Variants in CLCN5 observed in about 807,000 individuals in gnomAD.
CLCN5 encodes H(+)/Cl(-) exchange transporter 5.
Under a neutral mutation model 54.0 loss-of-function variants are expected in CLCN5, and 17 were observed. The observed-to-expected ratio is 0.31, with a 90% CI of 0.22 to 0.47. CLCN5 has a LOEUF of 0.47. Among genes scored for constraint, CLCN5 ranks in the 20% least tolerant of loss-of-function variants. The probability of loss-of-function intolerance (pLI) is 1.00; values close to 1 mark genes in which losing one functional copy is unlikely to be tolerated. For missense variants in CLCN5, 448 were observed against 646.7 expected, an observed-to-expected ratio of 0.69 and a Z score of 3.33; for synonymous variants, 222 against 233.0, an observed-to-expected ratio of 0.95 and a Z score of 0.43.
intron 3 of CLCN5, among the ~76,000 whole-genome samples, chrX:49,950,898 T>C (rs1470250138): frequency 1.8e-5 from 2 of 111,488 alleles, no homozygotes; most frequent in Non-Finnish European, 3.8e-5. Context: ...ATTATACTCT[T>C]TTAGTTCTTT....
intron 5 of CLCN5, 119 bp downstream of exon 5, chrX:50,070,149 G>T (rs1933173584): frequency 1.5e-6 from 1 of 663,912 alleles, no homozygotes; most frequent in Non-Finnish European, 2.3e-6. Flanking sequence ...TCTGGTTTCT[G>T]TTGGCAATAT....
chrX:50,081,948 C>T, intron 9 of CLCN5, 101 bp downstream of exon 9: 2 of 725,195 alleles, frequency 2.8e-6, no homozygotes, highest in Non-Finnish European at 4.1e-6. Context: ...TTAATGCAAA[C>T]ACCCTTTGAC....
At chrX:49,926,466 A>C (rs1925347210) in intron 3 of CLCN5, among the ~76,000 whole-genome samples, 1 of 112,658 alleles carries the variant, frequency 8.9e-6, no homozygotes, top group East Asian at 2.8e-4. Flanking sequence ...AATAAGTGTT[A>C]GAATAGAGAG....
At chrX:49,999,464 T>TA (rs1460469823) in intron 3 of CLCN5, among the ~76,000 whole-genome samples, 1 of 108,313 alleles carries the variant, frequency 9.2e-6, no homozygotes, top group East Asian at 2.9e-4. Flanking sequence ...ATAGTGGGCC[T>TA]AAAAAAACTG....
intron 3 of CLCN5, among the ~76,000 whole-genome samples, chrX:49,971,385 G>A (rs59041079): frequency 2.8e-5 from 3 of 106,313 alleles, no homozygotes; most frequent in South Asian, 4.1e-4. Context: ...TCCAATTACC[G>A]TGGCTGGAAC....
chrX:50,076,418 C>T (rs1557192145), intron 7 of CLCN5, among the ~76,000 whole-genome samples: 1 of 112,393 alleles, frequency 8.9e-6, no homozygotes, highest in Non-Finnish European at 1.9e-5. Context: ...GAAAAAAGTA[C>T]AATGCATTCC....
chrX:50,000,351 A>G (rs1460323935), intron 3 of CLCN5, among the ~76,000 whole-genome samples: 1 of 109,359 alleles, frequency 9.1e-6, no homozygotes, highest in Non-Finnish European at 1.9e-5. Flanking sequence ...AGGTTATTAC[A>G]ACCTCCCAAT....
At position 50,095,286 on chromosome X, in the gene CLCN5, C is replaced by T. The variant is rs1934225825; in HGVS notation, c.*3067C>T. ...TCTTCAATATAAAGAATTTAAAGAA[C>T]CTGAAACAGTTAATGCATGATTCGT... On this transcript the variant is annotated 3_prime_UTR_variant, in exon 15 of 15. Coordinates refer to ENST00000376091, the MANE Select transcript of CLCN5 (RefSeq NM_001127898.4). 1 of 112,023 alleles carries T rather than the reference C, an allele frequency of 8.9e-6. No homozygotes were observed. The highest frequency in any genetic ancestry group is 1.9e-5 in the Non-Finnish European group (1 of 53,228). 9.2% of individuals were successfully genotyped at this position (112,023 alleles called of 1,213,427 possible). A position where few individuals can be genotyped will look rare whatever the true frequency, so the allele number is the denominator to read the frequency against.
rs782693047 is a variant in CLCN5 at position 50,086,535 on chromosome X, C to T, written c.1222C>T (p.Arg408Cys). ...FGGLWGALFI[R>C]TNIAWCRKRK... The stretch of plus-strand genomic sequence containing the variant: ...TGGTCTGTGGGGAGCACTGTTTATC[C>T]GCACAAACATTGCCTGGTGTCGGAA... The change falls in exon 11 of 15, where the codon CGC becomes TGC. Residue 408 changes from arginine (R) to cysteine (C), a missense_variant. Around this residue, in one of 5 missense-constraint regions of CLCN5, gnomAD observed 297 missense variants for 470.4 expected, o/e 0.63. Transcript: ENST00000376091. The T allele has an allele frequency of 2.8e-5, 34 of 1,208,538 alleles. No individual in the cohort carries two copies. The highest frequency in any genetic ancestry group is 3.0e-5 in the East Asian group (1 of 33,700).
chrX:50,043,626 G>A (rs1308114311), intron 4 of CLCN5, among the ~76,000 whole-genome samples: 1 of 111,558 alleles, frequency 9.0e-6, no homozygotes, highest in Non-Finnish European at 1.9e-5. Context: ...CTAATAGGCT[G>A]ATTATTTGTT....
chrX:50,029,827 C>T (rs1165280721), intron 3 of CLCN5, among the ~76,000 whole-genome samples: 2 of 111,889 alleles, frequency 1.8e-5, no homozygotes, highest in African/African-American at 6.5e-5. Flanking sequence ...GTTGGTGTGG[C>T]GATTCCTCAG....
At chrX:50,016,303 A>G (rs1930787967) in intron 3 of CLCN5, among the ~76,000 whole-genome samples, 1 of 111,817 alleles carries the variant, frequency 8.9e-6, no homozygotes, top group Admixed American at 9.5e-5. Flanking sequence ...GATGATTTTT[A>G]GCATCAAAAT....
intron 2 of CLCN5, among the ~76,000 whole-genome samples, chrX:49,924,409 G>T (rs782389910): frequency 8.9e-6 from 1 of 111,849 alleles, no homozygotes; most frequent in Non-Finnish European, 1.9e-5. Context: ...CAGGTGATCC[G>T]CCTGCTTCGG....
intron 3 of CLCN5, among the ~76,000 whole-genome samples, chrX:49,948,967 A>G (rs944242352): frequency 8.9e-6 from 1 of 112,460 alleles, no homozygotes; most frequent in African/African-American, 3.2e-5. Flanking sequence ...ATATTCTACT[A>G]TATGTGTATT....
chrX:50,062,897 C>T (rs1416049651), intron 4 of CLCN5, among the ~76,000 whole-genome samples: 1 of 107,479 alleles, frequency 9.3e-6, no homozygotes, highest in Non-Finnish European at 1.9e-5. Context: ...ACAACCTGCT[C>T]CTGAATGACT....
At chrX:50,031,967 G>T (rs1931724060) in intron 3 of CLCN5, among the ~76,000 whole-genome samples, 1 of 101,856 alleles carries the variant, frequency 9.8e-6, no homozygotes, top group Admixed American at 1.1e-4. Context: ...AGAATGTGTG[G>T]TGTTTGGTTT....
chrX:50,018,987 C>A (rs1235152590), intron 3 of CLCN5, among the ~76,000 whole-genome samples: 6 of 111,883 alleles, frequency 5.4e-5, no homozygotes, highest in Non-Finnish European at 1.1e-4. Flanking sequence ...TTGCTTCTAT[C>A]TTCTGAAAGA....
chrX:49,958,517 A>G (rs1446559557), intron 3 of CLCN5, among the ~76,000 whole-genome samples: 1 of 111,893 alleles, frequency 8.9e-6, no homozygotes, highest in Non-Finnish European at 1.9e-5. Context: ...CTAGTTCATT[A>G]TAAACTGATT....
At chrX:50,031,884 A>C (rs1265069981) in intron 3 of CLCN5, among the ~76,000 whole-genome samples, 3 of 54,837 alleles carry the variant, frequency 5.5e-5, no homozygotes, top group Non-Finnish European at 9.3e-5. Flanking sequence ...CCCACCCCAC[A>C]ACAGTCCCCA....
Sources: allele counts gnomAD v4.1 joint callset (sites outside exome capture counted in the v4.1 genomes callset), GRCh38; gene constraint gnomAD v4.1.1; regional missense constraint gnomAD v4.1.1; transcripts MANE v1.5; gene names NCBI Gene and HGNC (gene_info 2026-07-23, HGNC 2026-07-21).